Variants in SMARCA4 observed in about 807,000 individuals in gnomAD.
SMARCA4 encodes SWI/SNF related BAF chromatin remodeling complex subunit ATPase 4.
In SMARCA4, 31 loss-of-function variants were observed where a neutral mutation model predicts 193.9. That is an observed-to-expected ratio of 0.16 (90% CI 0.12 to 0.22). The LOEUF (loss-of-function observed/expected upper bound fraction) is 0.22. Ranked by LOEUF, SMARCA4 falls within the 10% of genes least tolerant of loss-of-function variation. The pLI is 1.00. For synonymous variants in SMARCA4, 942 were observed against 933.1 expected, an observed-to-expected ratio of 1.01 and a Z score of -0.17; for missense variants, 1,148 against 2,296.0, an observed-to-expected ratio of 0.50 and a Z score of 10.22.
In SMARCA4 at chr19:10,986,429, A is replaced by G. The variant is rs1241110009; in HGVS notation, c.596A>G (p.His199Arg). Residue 199 changes from histidine to arginine, a missense_variant, in exon 4 of 35, where the codon CAC (histidine) becomes CGC (arginine). Around this residue, in one of 17 missense-constraint regions of SMARCA4, gnomAD observed 257 missense variants for 276.5 expected, o/e 0.93. Transcript: ENST00000344626. This position sits in a 1 kb window ranked among gnomAD's most constrained non-coding sequence, Gnocchi z 6.7. The stretch of plus-strand genomic sequence containing the variant: ...GCCAGGGGGCAGCCCCTCCCCGACC[A>G]CCTGCAGATGGCGGTGCAGGGCAAG... ...MLARGQPLPD[H>R]LQMAVQGKRP... 1 of 1,573,098 alleles carries G rather than the reference A, an allele frequency of 6.4e-7. No individual in the cohort carries two copies. Among genetic ancestry groups the G allele is most frequent in the African/African-American group, 1.4e-5 (1 of 74,056 alleles).
At chr19:10,968,325 C>T (rs1364727951) in intron 1 of SMARCA4, among the ~76,000 whole-genome samples, 1 of 152,092 alleles carries the variant, frequency 6.6e-6, no homozygotes, top group African/African-American at 2.4e-5. Context: ...GTTTCCAGAG[C>T]TTTGCTTTTG....
At chr19:11,008,115 A>G in intron 14 of SMARCA4, 92 bp downstream of exon 14, 1 of 1,323,356 alleles carries the variant, frequency 7.6e-7, no homozygotes, top group Non-Finnish European at 1.1e-6. Context: ...CCTAGCTGAC[A>G]TTCAGCACTG....
chr19:11,055,689 C>T (rs1175216553), intron 30 of SMARCA4, among the ~76,000 whole-genome samples: 3 of 152,172 alleles, frequency 2.0e-5, no homozygotes, highest in Admixed American at 2.0e-4. Context: ...CAGGGCAGGG[C>T]GTTTCAAGCC....
Position 10,994,884 on chromosome 19 carries a change from C to A in SMARCA4, c.1476C>A (p.Ser492=), listed in dbSNP as rs528531511. The change falls in exon 9 of 35, where the codon TCC becomes TCA. Residue 492 remains serine (S), a synonymous_variant. Coordinates refer to ENST00000344626, the MANE Select transcript of SMARCA4 (RefSeq NM_003072.5). The part of the protein sequence containing the change: ...HAKDFKEYHR[S]VTGKIQKLTK... ...AGGATTTCAAGGAATATCACAGATC[C>A]GTCACAGGCAAAATCCAGAAGCTGA... 3.1e-6 allele frequency: 5 copies of A among 1,614,034 alleles called. No homozygotes were observed. Among genetic ancestry groups the A allele is most frequent in the East Asian group, 4.5e-5 (2 of 44,884 alleles).
In SMARCA4 at chr19:11,003,168, G is replaced by A. The variant is rs752048323; in HGVS notation, c.1943+9G>A. 5 of 1,613,964 alleles carry A rather than the reference G, an allele frequency of 3.1e-6. No homozygotes were observed. The East Asian group carries it at 1.1e-4, about 36-fold the overall frequency. On this transcript the variant is annotated intron_variant, in intron 12 of 34. Coordinates refer to ENST00000344626, the MANE Select transcript of SMARCA4 (RefSeq NM_003072.5). ...CTCGAGATGAACCCGGGGTGAGTTG[G>A]GCCTTGCATTCCAGATGCAGTGGGG... is the stretch of plus-strand genomic sequence containing the variant.
chr19:11,061,315 C>G (rs1300260945), intron 34 of SMARCA4, among the ~76,000 whole-genome samples: 5 of 148,384 alleles, frequency 3.4e-5, no homozygotes, highest in Non-Finnish European at 7.4e-5. Context: ...GGCCAAGGGC[C>G]AGGCAGGTGA....
rs2076775823 is a variant in SMARCA4, at chr19:11,060,090, C to G, written c.4814C>G (p.Ala1605Gly). The G allele has an allele frequency of 6.4e-7, 1 of 1,553,254 alleles. No homozygotes were observed. The change falls in exon 34 of 35, where the codon GCA (alanine) becomes GGA (glycine). Residue 1605 changes from alanine to glycine, a missense_variant. Ala to Gly is a moderately conservative substitution (Grantham distance 60). Around this residue, in one of 17 missense-constraint regions of SMARCA4, gnomAD observed 105 missense variants for 133.7 expected, o/e 0.79. Coordinates refer to ENST00000344626, the MANE Select transcript of SMARCA4 (RefSeq NM_003072.5). Reference sequence around the variant, plus strand: ...ATCAAGCTTGGCCGGAAGGAGAAGGCACAGGACCGGCTGAAGGGCGGCCGG... The same window carrying G: ...ATCAAGCTTGGCCGGAAGGAGAAGGGACAGGACCGGCTGAAGGGCGGCCGG... ...VKIKLGRKEKAQDRLKGGRRR... is the reference protein window; with the variant it reads ...VKIKLGRKEKGQDRLKGGRRR...
At chr19:11,009,955 C>T (rs2088658529) in intron 14 of SMARCA4, among the ~76,000 whole-genome samples, 1 of 152,042 alleles carries the variant, frequency 6.6e-6, no homozygotes, top group African/African-American at 2.4e-5. Flanking sequence ...TCCCAAAGTG[C>T]TGGGATTACA....
intron 30 of SMARCA4, among the ~76,000 whole-genome samples, chr19:11,044,605 G>A (rs894905271): frequency 3.3e-5 from 5 of 152,296 alleles, no homozygotes; most frequent in East Asian, 1.9e-4. Context: ...ACCAGCACCC[G>A]CCCCAGAACG....
At chr19:11,010,958 C>T (rs897082388) in intron 15 of SMARCA4, 16 of 261,628 alleles carry the variant, frequency 6.1e-5, no homozygotes, top group South Asian at 8.7e-5. Context: ...TGTGAAACGG[C>T]GAGCGTCAGG....
At chr19:11,045,252 G>A (rs1024105827) in intron 30 of SMARCA4, among the ~76,000 whole-genome samples, 31 of 152,118 alleles carry the variant, frequency 2.0e-4, no homozygotes, top group African/African-American at 2.9e-4. Context: ...CCCAGGAGGC[G>A]GAGCTTGCAG....
chr19:11,015,900 A>T (rs1242293309), intron 16 of SMARCA4: 1 of 152,088 alleles, frequency 6.6e-6, no homozygotes, highest in Non-Finnish European at 1.5e-5. Context: ...AATCCCAGCC[A>T]CTCAGGAGGC....
At chr19:11,036,625 A>C (rs74257937) in intron 29 of SMARCA4, among the ~76,000 whole-genome samples, 7,389 of 152,148 alleles carry the variant, frequency 0.049, 245 homozygotes, top group South Asian at 0.11. Flanking sequence ...TGGCTGCTCT[A>C]TGTACATTTT....
At chr19:11,042,200 C>T (rs1011125597) in intron 30 of SMARCA4, among the ~76,000 whole-genome samples, 8 of 152,332 alleles carry the variant, frequency 5.3e-5, no homozygotes, top group East Asian at 1.9e-4. Flanking sequence ...GCTGTGGCCA[C>T]GGCCCAGCGG....
rs1600257687 is a variant in SMARCA4 at position 11,019,609 on chromosome 19, C to A, written c.2524C>A (p.Arg842=). The A allele has an allele frequency of 6.2e-7, 1 of 1,611,554 alleles. No homozygotes were observed. Among genetic ancestry groups the A allele is most frequent in the African/African-American group, 1.3e-5 (1 of 74,912 alleles). The change falls in exon 18 of 35, where the codon CGG becomes AGG. Residue 842 remains arginine, a synonymous_variant. Transcript: ENST00000344626. The surrounding 1 kb of genome is among the most constrained non-coding windows in gnomAD (Gnocchi z 6.1). ...CTTGCAGGGATCCCCAGCAGCAAGA[C>A]GGGCCTTTGTCCCCCAGCTCCGGAG... The part of the protein sequence containing the change: ...VSYKGSPAAR[R]AFVPQLRSGK...
At chr19:11,052,815 T>G (rs1367905681) in intron 30 of SMARCA4, among the ~76,000 whole-genome samples, 1 of 152,180 alleles carries the variant, frequency 6.6e-6, no homozygotes, top group Admixed American at 6.5e-5. Context: ...GTAGGGGAGC[T>G]GGGGCTGGCC....
chr19:11,044,057 A>G (rs1428274234), intron 30 of SMARCA4, among the ~76,000 whole-genome samples: 2 of 152,196 alleles, frequency 1.3e-5, no homozygotes, highest in Non-Finnish European at 2.9e-5. Context: ...TTTATTTCTA[A>G]TGATAATCTT....
chr19:11,025,085 G>T (rs1186657004), intron 21 of SMARCA4, among the ~76,000 whole-genome samples: 1 of 151,804 alleles, frequency 6.6e-6, no homozygotes, highest in Admixed American at 6.6e-5. Context: ...ACCCTCTAGG[G>T]ACCCCCACAG....
intron 1 of SMARCA4, among the ~76,000 whole-genome samples, chr19:10,974,531 A>G (rs1341369979): frequency 6.7e-6 from 1 of 150,370 alleles, no homozygotes; most frequent in Non-Finnish European, 1.5e-5. Context: ...TAAAAAATAA[A>G]TAAAAAGCGC....
Sources: allele counts gnomAD v4.1 joint callset (sites outside exome capture counted in the v4.1 genomes callset), GRCh38; gene constraint gnomAD v4.1.1; regional missense constraint gnomAD v4.1.1; non-coding constraint Gnocchi (gnomAD v3.1); transcripts MANE v1.5; gene names NCBI Gene and HGNC (gene_info 2026-07-23, HGNC 2026-07-21).